The following NR3C1 variants were observed in gnomAD, a reference collection of about 807,000 sequenced individuals.
NR3C1 encodes glucocorticoid receptor.
A neutral mutation model predicts 74.0 loss-of-function variants in NR3C1; 14 were observed. That is an observed-to-expected ratio of 0.19 (90% CI 0.12 to 0.30). The LOEUF (loss-of-function observed/expected upper bound fraction) is 0.30, where lower values mean the gene tolerates loss of function less well. NR3C1 is among the 10% of genes least tolerant of loss of function. The pLI, the probability that NR3C1 is intolerant of heterozygous loss-of-function variation, is 1.00. For missense variants in NR3C1, 695 were observed against 909.8 expected (o/e 0.76, Z 3.04); for synonymous variants, 308 against 332.5 (o/e 0.93, Z 0.80).
intron 2 of NR3C1, among the ~76,000 whole-genome samples, chr5:143,383,345 T>C (rs971202085): frequency 4.3e-4 from 65 of 152,248 alleles, no homozygotes; most frequent in African/African-American, 1.5e-3. Context: ...TTGCTTCCTC[T>C]GTGGTTCTTT....
chr5:143,418,291 A>T (rs1751019323), intron 1 of NR3C1, among the ~76,000 whole-genome samples: 1 of 152,176 alleles, frequency 6.6e-6, no homozygotes, highest in South Asian at 2.1e-4. Context: ...AGTTTGTGTA[A>T]CGTAGCAGAC....
rs369549031 is a variant in NR3C1, at chr5:143,295,634, C to T, written c.1893-44G>A. The stretch of plus-strand genomic sequence containing the variant: ...AGGGTATTAGTTAGAAATACTGCTA[C>T]TTCCCCCCAAAAAGCACATTTTTGT... On this transcript the variant is annotated intron_variant, in intron 6 of 8. Coordinates refer to ENST00000394464, the MANE Select transcript of NR3C1 (RefSeq NM_000176.3). The T allele has an allele frequency of 2.6e-6, 4 of 1,523,246 alleles. No individual in the cohort carries two copies. In the African/African-American group the frequency reaches 5.5e-5, roughly 21 times the overall value. The allele number at this position is 1,523,246 out of a possible 1,614,324, so 94.4% of individuals were successfully genotyped here.
chr5:143,313,891 T>C (rs10482667), intron 3 of NR3C1, 111 bp downstream of exon 3: 20,521 of 1,155,904 alleles, frequency 0.018, 330 homozygotes, highest in Non-Finnish European at 0.019. Flanking sequence ...TCTCCCCTCT[T>C]AACTGATATT....
intron 8 of NR3C1, among the ~76,000 whole-genome samples, chr5:143,282,275 G>C: frequency 6.6e-6 from 1 of 152,046 alleles, no homozygotes; most frequent in Non-Finnish European, 1.5e-5. Context: ...AATATATGAA[G>C]GGTGCATTAT....
At chr5:143,390,461 T>A (rs1220971829) in intron 2 of NR3C1, among the ~76,000 whole-genome samples, 1 of 152,186 alleles carries the variant, frequency 6.6e-6, no homozygotes, top group South Asian at 2.1e-4. Flanking sequence ...TTACTTTATA[T>A]CTGCTATTGC....
intron 2 of NR3C1, among the ~76,000 whole-genome samples, chr5:143,364,611 A>G (rs773812036): frequency 6.6e-5 from 10 of 152,364 alleles, no homozygotes; most frequent in Middle Eastern, 3.4e-3. Flanking sequence ...AAAATCTATG[A>G]CAATAACAGC....
chr5:143,309,470 G>A (rs1257555016), intron 4 of NR3C1, among the ~76,000 whole-genome samples: 3 of 152,180 alleles, frequency 2.0e-5, no homozygotes, highest in South Asian at 2.1e-4. Context: ...TATTTGGAGC[G>A]CTTTGAGGCC....
chr5:143,295,208 A>G (rs1421327893), intron 7 of NR3C1: 9 of 985,304 alleles, frequency 9.1e-6, no homozygotes, highest in Non-Finnish European at 9.6e-6. Flanking sequence ...AAAAGTCTAC[A>G]CAGATTCTTA....
chr5:143,371,570 T>C (rs1834232575), intron 2 of NR3C1, among the ~76,000 whole-genome samples: 1 of 152,152 alleles, frequency 6.6e-6, no homozygotes, highest in Non-Finnish European at 1.5e-5. Context: ...GGCAAAAAAG[T>C]ATAAAGCAAA....
chr5:143,362,967 G>A (rs1327561484), intron 2 of NR3C1, among the ~76,000 whole-genome samples: 1 of 152,154 alleles, frequency 6.6e-6, no homozygotes, highest in Non-Finnish European at 1.5e-5. Flanking sequence ...GTAGGGCTGT[G>A]TATATGCTCA....
rs1283180829 is a variant in NR3C1 at position 143,279,342 on chromosome 5, G to A, written c.*2547C>T. ...TCTCATTGAGTTCTATTTTTTGAGC[G>A]CCAAGATTGTTGGGATGAAAATCAG... On this transcript the variant is annotated 3_prime_UTR_variant, in exon 9 of 9. Coordinates refer to ENST00000394464, the MANE Select transcript of NR3C1 (RefSeq NM_000176.3). The A allele has an allele frequency of 4.5e-6, 7 of 1,546,042 alleles. No homozygotes were observed. The highest frequency in any genetic ancestry group is 6.1e-6 in the Non-Finnish European group (7 of 1,146,200).
intron 2 of NR3C1, among the ~76,000 whole-genome samples, chr5:143,360,950 A>G (rs183336001): frequency 5.9e-5 from 9 of 152,334 alleles, no homozygotes; most frequent in Admixed American, 5.9e-4. Flanking sequence ...CAAGCACACA[A>G]AAATCACAAC....
At chr5:143,384,885 C>G (rs553045782) in intron 2 of NR3C1, among the ~76,000 whole-genome samples, 3 of 152,248 alleles carry the variant, frequency 2.0e-5, no homozygotes, top group Non-Finnish European at 2.9e-5. Context: ...AGTGGGGTCT[C>G]TGTGTGGGGG....
intron 1 of NR3C1, 112 bp downstream of exon 1, chr5:143,403,099 C>T: frequency 7.6e-6 from 7 of 922,194 alleles, no homozygotes; most frequent in Non-Finnish European, 9.1e-6. Flanking sequence ...CCCCACTCCC[C>T]GAGGCTAATA....
chr5:143,422,939 T>G (rs1050669654), intron 1 of NR3C1, among the ~76,000 whole-genome samples: 14 of 152,234 alleles, frequency 9.2e-5, no homozygotes, highest in Non-Finnish European at 1.9e-4. Context: ...TCTTTCTTCA[T>G]TACTTTCTTC....
chr5:143,400,263 T>G lies in NR3C1; in HGVS notation c.577A>C (p.Ile193Leu), dbSNP rs761495176. 1.3e-6 allele frequency: 2 copies of G among 1,597,600 alleles called. No individual in the cohort carries two copies. The highest frequency in any genetic ancestry group is 1.7e-6 in the Non-Finnish European group (2 of 1,173,268). ...GAAGAAAACTCCAAATCCTGCAAAATGTCAAAGGTGCTTTGGTCTGTGGTA... is the reference window on the plus strand; with the variant it reads ...GAAGAAAACTCCAAATCCTGCAAAAGGTCAAAGGTGCTTTGGTCTGTGGTA... ...LYTTDQSTFDILQDLEFSSGS... is the reference protein window; with the variant it reads ...LYTTDQSTFDLLQDLEFSSGS... Residue 193 changes from isoleucine to leucine, a missense_variant, in exon 2 of 9, where the codon ATT becomes CTT. This residue lies in a region of NR3C1 where 497 missense variants were observed against 489.5 expected (regional missense o/e 1.02). Coordinates refer to ENST00000394464, the MANE Select transcript of NR3C1 (RefSeq NM_000176.3).
chr5:143,305,282 A>T (rs1277001710), intron 4 of NR3C1, among the ~76,000 whole-genome samples: 1 of 152,230 alleles, frequency 6.6e-6, no homozygotes, highest in Non-Finnish European at 1.5e-5. Flanking sequence ...ATTGTTAATC[A>T]TCAGAGAAAT....
At chr5:143,424,062 T>TGGGGTGC (rs1241683608) in intron 1 of NR3C1, among the ~76,000 whole-genome samples, 2,360 of 27,064 alleles carry the variant, frequency 0.087, 84 homozygotes, top group East Asian at 0.31. Context: ...GGGACTGTTG[T>TGGGGTGC]GGGGTGTGGG....
At chr5:143,399,044 G>C (rs918544298) in intron 2 of NR3C1, among the ~76,000 whole-genome samples, 1 of 152,168 alleles carries the variant, frequency 6.6e-6, no homozygotes, top group Non-Finnish European at 1.5e-5. Flanking sequence ...TTTATGGCAA[G>C]AACCCTGTGA....
Sources: gnomAD v4.1 joint callset for allele counts (sites outside exome capture counted in the v4.1 genomes callset) on GRCh38, gnomAD v4.1.1 for gene constraint, gnomAD v4.1.1 regional missense constraint, MANE v1.5 for transcripts, NCBI Gene and HGNC (gene_info 2026-07-23, HGNC 2026-07-21) for gene names.